Variants in EPG5 observed in about 807,000 individuals in gnomAD.
EPG5 encodes the protein ectopic P granules protein 5 homolog.
EPG5 carries 159 observed loss-of-function variants against 302.7 expected under a neutral mutation model. The ratio of observed to expected loss-of-function variants is 0.53; its 90% CI spans 0.46 to 0.60. EPG5 has a LOEUF of 0.60. Among genes scored for constraint, EPG5 ranks in the 20% least tolerant of loss-of-function variants. The pLI is 0.00. For synonymous variants in EPG5, 1,158 were observed against 1,136.8 expected, an observed-to-expected ratio of 1.02 and a Z score of -0.37; for missense variants, 2,896 against 3,092.4, an observed-to-expected ratio of 0.94 and a Z score of 1.51.
In EPG5 at chr18:45,954,654, G is replaced by C. The variant is rs1472761578; in HGVS notation, c.748C>G (p.Leu250Val). The C allele has an allele frequency of 6.2e-7, 1 of 1,614,140 alleles. No individual in the cohort carries two copies. The highest frequency in any genetic ancestry group is 1.3e-5 in the African/African-American group (1 of 74,950). ...ERLYPELPSQ[L>V]ELVPFTKEQL... ...TCTTTAGTAAATGGTACTAGTTCCA[G>C]TTGAGACGGGAGTTCTGGGTAGAGT... is the stretch of plus-strand genomic sequence containing the variant. The change falls in exon 2 of 44, where the codon CTG becomes GTG. Residue 250 changes from leucine (L) to valine (V), a missense_variant. Around this residue, in one of 5 missense-constraint regions of EPG5, gnomAD observed 1,390 missense variants for 1,430.0 expected, o/e 0.97. Coordinates refer to ENST00000282041, the MANE Select transcript of EPG5 (RefSeq NM_020964.3).
In EPG5 at chr18:45,954,607, A is replaced by T; in HGVS notation, c.795T>A (p.Pro265=). The T allele has an allele frequency of 6.2e-7, 1 of 1,614,250 alleles. No homozygotes were observed. ...ACTCAACATTTTCCAGCCATGAACC[A>T]GGCTCCAAGATTTTTAGCTGTTCTT... is the stretch of plus-strand genomic sequence containing the variant. ...FTKEQLKILE[P]GSWLENVESY... is the part of the protein sequence containing the mutation. The change falls in exon 2 of 44, where the codon CCT becomes CCA. Residue 265 remains proline, a synonymous_variant. Transcript: ENST00000282041.
intron 13 of EPG5, among the ~76,000 whole-genome samples, chr18:45,928,370 A>T (rs964621183): frequency 2.0e-5 from 3 of 152,200 alleles, no homozygotes; most frequent in Non-Finnish European, 2.9e-5. Flanking sequence ...TGTGAATTAC[A>T]TCTCAAGAAA....
chr18:45,843,910 C>G (rs2145093945), downstream of EPG5: 1 of 152,250 alleles, frequency 6.6e-6, no homozygotes, highest in Admixed American at 6.5e-5. Flanking sequence ...ACCATATGAT[C>G]CAGTAATCCC....
intron 34 of EPG5, among the ~76,000 whole-genome samples, chr18:45,877,561 A>C (rs1025752147): frequency 3.3e-5 from 5 of 152,234 alleles, no homozygotes; most frequent in African/African-American, 1.2e-4. Context: ...AAAATCCTGA[A>C]GCTTGCAGAT....
rs989040200 is a variant in EPG5, at chr18:45,857,326, G to C, written c.7442+527C>G. On this transcript the variant is annotated intron_variant, in intron 42 of 43. Coordinates refer to ENST00000282041, the MANE Select transcript of EPG5 (RefSeq NM_020964.3). Reference sequence around the variant, plus strand: ...GGGTTTCACCATGTTGGCCAGGCTGGTCTCGAACTCCTGACCTCAAGTGAT... The same window carrying C: ...GGGTTTCACCATGTTGGCCAGGCTGCTCTCGAACTCCTGACCTCAAGTGAT... Among the ~76,000 whole-genome samples the C allele has an allele frequency of 3.3e-5, 5 of 152,142 alleles. No homozygotes were observed. The East Asian group carries it at 5.8e-4, about 18-fold the overall frequency.
Position 45,951,130 on chromosome 18 carries a change from T to C in EPG5, c.1361A>G (p.Asp454Gly), listed in dbSNP as rs2050898367. ...RRVNEDTQFH[D>G]DILLWLQKLV... Reference sequence around the variant, plus strand: ...TTTCTGCAGCCAGAGAAGAATATCATCATGAAACTGAGTATCTTCATTAAC... The same window carrying C: ...TTTCTGCAGCCAGAGAAGAATATCACCATGAAACTGAGTATCTTCATTAAC... Residue 454 changes from aspartate to glycine, a missense_variant, in exon 4 of 44, where the codon GAT (aspartate) becomes GGT (glycine). Asp to Gly is a moderately conservative substitution (Grantham distance 94). Around this residue, in one of 5 missense-constraint regions of EPG5, gnomAD observed 1,390 missense variants for 1,430.0 expected, o/e 0.97. Transcript: ENST00000282041. The C allele has an allele frequency of 6.3e-7, 1 of 1,591,238 alleles. No individual in the cohort carries two copies. Among genetic ancestry groups the C allele is most frequent in the Non-Finnish European group, 8.5e-7 (1 of 1,170,812 alleles).
intron 27 of EPG5, among the ~76,000 whole-genome samples, chr18:45,891,484 G>A (rs933083449): frequency 3.9e-4 from 57 of 144,638 alleles, no homozygotes; most frequent in African/African-American, 1.4e-3. Context: ...GGGCGACAGC[G>A]TGAGACTCCG....
chr18:45,846,333 C>G (rs1190364801), downstream of EPG5, among the ~76,000 whole-genome samples: 1 of 151,772 alleles, frequency 6.6e-6, no homozygotes, highest in Non-Finnish European at 1.5e-5. Flanking sequence ...CCAGCCTGGC[C>G]AACAAGGCGA....
chr18:45,839,089 C>A, the EPG5 span: 8 of 1,407,710 alleles, frequency 5.7e-6, no homozygotes, highest in Non-Finnish European at 7.3e-6. Flanking sequence ...TGCCCGCCGC[C>A]GCCCAGGTGG....
In EPG5 at chr18:45,939,397, T is replaced by TGA. The variant is rs371421015; in HGVS notation, c.2099+201_2099+202dup. ...GTGTTATCTTAAAACAGAAAGAAAT[T>TGA]GAGAGAGAGAGAGAGACCATTTCAG... is the stretch of plus-strand genomic sequence containing the variant. On this transcript the variant is annotated intron_variant, in intron 10 of 43. Coordinates refer to ENST00000282041, the MANE Select transcript of EPG5 (RefSeq NM_020964.3). Among the ~76,000 whole-genome samples, 71 of 150,342 alleles carry TGA rather than the reference T, an allele frequency of 4.7e-4. 1 individual carries two copies. Among genetic ancestry groups the TGA allele is most frequent in the African/African-American group, 1.6e-3 (64 of 40,828 alleles).
chr18:45,860,050 T>G, intron 40 of EPG5, 54 bp downstream of exon 40: 1 of 1,598,998 alleles, frequency 6.3e-7, no homozygotes. Context: ...TGACAATGCT[T>G]TCATCTTTCT....
chr18:45,882,463 C>G lies in EPG5; in HGVS notation c.5329G>C (p.Ala1777Pro). The G allele has an allele frequency of 6.2e-7, 1 of 1,613,318 alleles. No homozygotes were observed. Among genetic ancestry groups the G allele is most frequent in the African/African-American group, 1.3e-5 (1 of 74,916 alleles). Residue 1777 changes from alanine (A) to proline (P), a missense_variant, in exon 31 of 44, where the codon GCC becomes CCC. Transcript: ENST00000282041. Reference protein sequence around the residue: ...TKFDLKQWLSATKPPLSDRTR... With the variant: ...TKFDLKQWLSPTKPPLSDRTR... Reference sequence around the variant, plus strand: ...CGATCAGACAGAGGAGGTTTAGTGGCGCTTAACCATTGTTTAAGATCGAAC... The same window carrying G: ...CGATCAGACAGAGGAGGTTTAGTGGGGCTTAACCATTGTTTAAGATCGAAC...
intron 17 of EPG5, 188 bp from the exon 18 acceptor site, chr18:45,916,770 C>T (rs1426001553): frequency 3.9e-6 from 2 of 519,284 alleles, no homozygotes; most frequent in Non-Finnish European, 6.7e-6. Flanking sequence ...ATTCTATCTA[C>T]CCACAGAGGT....
At chr18:45,842,376 C>T in the EPG5 span, 23 of 600,390 alleles carry the variant, frequency 3.8e-5, no homozygotes, top group Admixed American at 3.5e-4. Context: ...ACAACCATTT[C>T]GGAGCTCCCT....
At chr18:45,954,225 C>T (rs1210875750) in intron 2 of EPG5, among the ~76,000 whole-genome samples, 169 bp downstream of exon 2, 1 of 152,202 alleles carries the variant, frequency 6.6e-6, no homozygotes, top group Non-Finnish European at 1.5e-5. Context: ...CTTCACTCCT[C>T]CAGCTTATAC....
the EPG5 span, among the ~76,000 whole-genome samples, chr18:45,835,338 C>T: frequency 6.6e-6 from 1 of 152,112 alleles, no homozygotes; most frequent in Non-Finnish European, 1.5e-5. Flanking sequence ...CTTAAAATGA[C>T]CCTGTATGGT....
At chr18:45,935,550 A>C (rs192892590) in intron 10 of EPG5, among the ~76,000 whole-genome samples, 1 of 152,136 alleles carries the variant, frequency 6.6e-6, no homozygotes, top group African/African-American at 2.4e-5. Context: ...CTCAAAAATA[A>C]TAAGTATTAT....
chr18:45,913,288 A>G (rs2049952723), intron 21 of EPG5, among the ~76,000 whole-genome samples: 1 of 152,234 alleles, frequency 6.6e-6, no homozygotes, highest in South Asian at 2.1e-4. Flanking sequence ...GAAGGTCTTT[A>G]AAGCCTTATT....
chr18:45,942,462 G>T (rs1237848703), intron 9 of EPG5, among the ~76,000 whole-genome samples: 1 of 152,024 alleles, frequency 6.6e-6, no homozygotes, highest in Non-Finnish European at 1.5e-5. Flanking sequence ...AATTAGCCAG[G>T]TGTGGTGGTG....
Sources: allele counts gnomAD v4.1 joint callset (sites outside exome capture counted in the v4.1 genomes callset), GRCh38; gene constraint gnomAD v4.1.1; regional missense constraint gnomAD v4.1.1; transcripts MANE v1.5; gene names NCBI Gene and HGNC (gene_info 2026-07-23, HGNC 2026-07-21).